ZNF891: variants seen among roughly 807,000 people sequenced by gnomAD.
ZNF891 encodes the protein zinc finger protein 891.
For missense variants in ZNF891, 589 were observed against 632.7 expected (o/e 0.93, Z 0.74); for synonymous variants, 199 against 209.0 (o/e 0.95, Z 0.41).
Position 133,117,133 on chromosome 12 carries a change from A to G in ZNF891, c.*3151T>C, listed in dbSNP as rs1051701977. 6.6e-5 allele frequency: 10 copies of G among 152,222 alleles called. No individual in the cohort carries two copies. Among genetic ancestry groups the G allele is most frequent in the African/African-American group, 2.2e-4 (9 of 41,446 alleles). 9.4% of individuals were successfully genotyped at this position (152,222 alleles called of 1,614,324 possible). On this transcript the variant is annotated 3_prime_UTR_variant, in exon 2 of 2. Coordinates refer to ENST00000537226, the MANE Select transcript of ZNF891 (RefSeq NM_001277291.2). ...TGGAAGGACTTTCAAATACATAGAG[A>G]TCTTCTTCACTAAAACCTCCTTGCA... is the stretch of plus-strand genomic sequence containing the variant.
chr12:133,116,049 AAGTACAATCCCTTGCTG>A lies in ZNF891; in HGVS notation c.*4218_*4234del, dbSNP rs1184404861. 6.6e-6 allele frequency: 1 copy of A among 152,094 alleles called. No individual in the cohort carries two copies. Among genetic ancestry groups the A allele is most frequent in the Non-Finnish European group, 1.5e-5 (1 of 68,022 alleles). 9.4% of individuals were successfully genotyped at this position (152,094 alleles called of 1,614,324 possible). ...TGTAAATTCCAGTCCTAACCAAGCA[AAGTACAATCCCTTGCTG>A]AGTACTCCTTAAGATGATCTCACCC... On this transcript the variant is annotated 3_prime_UTR_variant, in exon 2 of 2. Transcript: ENST00000537226.
In ZNF891 at chr12:133,114,263, CAGTCTT is replaced by C. The variant is rs1955703521; in HGVS notation, c.*6015_*6020del. 6.6e-6 allele frequency: 1 copy of C among 152,166 alleles called. No homozygotes were observed. Among genetic ancestry groups the C allele is most frequent in the Non-Finnish European group, 1.5e-5 (1 of 68,036 alleles). 9.4% of individuals were successfully genotyped at this position (152,166 alleles called of 1,614,324 possible). ...TAACATTAAACTGCTGTTGTCCTAACAGTCTTAGTTTCTGCACACCTGTTATGGTGC... is the reference window on the plus strand; with the variant it reads ...TAACATTAAACTGCTGTTGTCCTAACAGTTTCTGCACACCTGTTATGGTGC... On this transcript the variant is annotated 3_prime_UTR_variant, in exon 2 of 2. Coordinates refer to ENST00000537226, the MANE Select transcript of ZNF891 (RefSeq NM_001277291.2).
rs142017795 is a variant in ZNF891 at position 133,123,975 on chromosome 12, T to A, written c.-106-1951A>T. ...TAGGTGAATCACCATGGGATTTTGATTAATCTATGTATTTAATAGGGATTT... is the reference window on the plus strand; with the variant it reads ...TAGGTGAATCACCATGGGATTTTGAATAATCTATGTATTTAATAGGGATTT... On this transcript the variant is annotated intron_variant, in intron 1 of 1. Transcript: ENST00000537226. 8.5e-5 allele frequency among the ~76,000 whole-genome samples: 13 copies of A among 152,336 alleles called. No homozygotes were observed. In the East Asian group the frequency reaches 2.5e-3, roughly 29 times the overall value.
In ZNF891 at chr12:133,111,916, T is replaced by G. The variant is rs1437831868; in HGVS notation, c.*8368A>C. 1.3e-5 allele frequency: 2 copies of G among 152,236 alleles called. No homozygotes were observed. The highest frequency in any genetic ancestry group is 3.8e-4 in the East Asian group (2 of 5,202). The allele number at this position is 152,236 out of a possible 1,614,324, so 9.4% of individuals were successfully genotyped here. ...TGGCATTCAAATTTCATACATGAAC[T>G]ATTGCAAATAGCTTCCTAGTCTCTC... is the stretch of plus-strand genomic sequence containing the variant. On this transcript the variant is annotated 3_prime_UTR_variant, in exon 2 of 2. Transcript: ENST00000537226.
In ZNF891 at chr12:133,113,427, A is replaced by G. The variant is rs1050891317; in HGVS notation, c.*6857T>C. The G allele has an allele frequency of 6.6e-6, 1 of 152,190 alleles. No homozygotes were observed. Among genetic ancestry groups the G allele is most frequent in the Non-Finnish European group, 1.5e-5 (1 of 68,016 alleles). 9.4% of individuals were successfully genotyped at this position (152,190 alleles called of 1,614,324 possible). On this transcript the variant is annotated 3_prime_UTR_variant, in exon 2 of 2. Transcript: ENST00000537226. ...CACACATATTTATAACATGCATTAA[A>G]AAGTCATACCATATTTTGTGACTGT...
Position 133,111,219 on chromosome 12 carries a change from CAAAA to C in ZNF891, c.*9061_*9064del, listed in dbSNP as rs905312488. ...TAACAATTCTTTTAAGGAAACAAAA[CAAAA>C]AAAAATAAATTATGTAACCCAGCAC... is the stretch of plus-strand genomic sequence containing the variant. On this transcript the variant is annotated 3_prime_UTR_variant, in exon 2 of 2. Coordinates refer to ENST00000537226, the MANE Select transcript of ZNF891 (RefSeq NM_001277291.2). 6.7e-6 allele frequency: 1 copy of C among 150,178 alleles called. No homozygotes were observed. Among genetic ancestry groups the C allele is most frequent in the African/African-American group, 2.4e-5 (1 of 40,858 alleles). The allele number at this position is 150,178 out of a possible 1,614,324, so 9.3% of individuals were successfully genotyped here.
rs938703441 is a variant in ZNF891 at position 133,121,523 on chromosome 12, C to T, written c.396G>A (p.Glu132=). The T allele has an allele frequency of 2.0e-6, 3 of 1,536,292 alleles. No homozygotes were observed. Among genetic ancestry groups the T allele is most frequent in the East Asian group, 2.4e-5 (1 of 40,912 alleles). ...KESTVQKILW[E]EPSNAVKMIK... is the part of the protein sequence containing the mutation. ...TCATTTTCACTGCATTGGATGGTTC[C>T]TCCCACAAAATTTTCTGCACAGTTG... is the stretch of plus-strand genomic sequence containing the variant. The change falls in exon 2 of 2, where the codon GAG becomes GAA. Residue 132 remains glutamate (E), a synonymous_variant. Coordinates refer to ENST00000537226, the MANE Select transcript of ZNF891 (RefSeq NM_001277291.2).
rs776437234 is a variant in ZNF891 at position 133,121,064 on chromosome 12, G to C, written c.855C>G (p.Asn285Lys). 13 of 1,535,484 alleles carry C rather than the reference G, an allele frequency of 8.5e-6. No homozygotes were observed. The highest frequency in any genetic ancestry group is 1.2e-5 in the South Asian group (1 of 84,064). Residue 285 changes from asparagine to lysine, a missense_variant, in exon 2 of 2, where the codon AAC (asparagine) becomes AAG (lysine). Asn to Lys is a moderately conservative substitution (Grantham distance 94, BLOSUM62 0). Transcript: ENST00000537226. ...HFTHNMFPVP[N>K]NLHMAQNACE... ...AGGCATTCTGTGCCATATGCAAATT[G>C]TTAGGTACAGGAAACATATTATGTG...
intron 1 of ZNF891, among the ~76,000 whole-genome samples, chr12:133,126,860 G>C (rs1237030274): frequency 6.7e-6 from 1 of 148,844 alleles, no homozygotes; most frequent in South Asian, 2.2e-4. Flanking sequence ...AAAAGAAAAA[G>C]TAAGAATAAA....
Position 133,120,961 on chromosome 12 carries a change from GTTTCT to G in ZNF891, c.953_957del (p.Lys318ThrfsTer2). 1 of 1,535,836 alleles carries G rather than the reference GTTTCT, an allele frequency of 6.5e-7. No homozygotes were observed. On this transcript the variant is annotated frameshift_variant, in exon 2 of 2. Transcript: ENST00000537226. LOFTEE classifies it low-confidence loss of function (END_TRUNC). Reference sequence around the variant, plus strand: ...GCTTTTCCACATTGATTGCATTCATGTTTCTTTTCAGTATGAGTTTGTCCTTGTTT... The same window carrying G: ...GCTTTTCCACATTGATTGCATTCATGTTTCAGTATGAGTTTGTCCTTGTTT...
In ZNF891 at chr12:133,114,680, GAA is replaced by G. The variant is rs1426550945; in HGVS notation, c.*5602_*5603del. 1 of 152,352 alleles carries G rather than the reference GAA, an allele frequency of 6.6e-6. No individual in the cohort carries two copies. The highest frequency in any genetic ancestry group is 2.4e-5 in the African/African-American group (1 of 41,574). 9.4% of individuals were successfully genotyped at this position (152,352 alleles called of 1,614,324 possible). A position where few individuals can be genotyped will look rare whatever the true frequency, so the allele number is the denominator to read the frequency against. Reference sequence around the variant, plus strand: ...AATACACAAACAGGCAATACAGTGTGAAAGTGTGACAAGTATTGTTAAAGCAG... The same window carrying G: ...AATACACAAACAGGCAATACAGTGTGAGTGTGACAAGTATTGTTAAAGCAG... On this transcript the variant is annotated 3_prime_UTR_variant, in exon 2 of 2. Transcript: ENST00000537226.
chr12:133,126,902 G>C (rs576335914), intron 1 of ZNF891, among the ~76,000 whole-genome samples: 19 of 150,790 alleles, frequency 1.3e-4, no homozygotes, highest in Admixed American at 2.0e-4. Context: ...GCAATTTAAG[G>C]TACCCCAGAT....
rs554860705 is a variant in ZNF891, at chr12:133,116,671, A to C, written c.*3613T>G. The C allele has an allele frequency of 2.0e-4, 30 of 152,366 alleles. No homozygotes were observed. The highest frequency in any genetic ancestry group is 7.2e-4 in the African/African-American group (30 of 41,548). 9.4% of individuals were successfully genotyped at this position (152,366 alleles called of 1,614,324 possible). ...GTCATTACAATCTTCTGTATTCCTC[A>C]GGCCAAAGCCAGAAACCCTAAACCC... On this transcript the variant is annotated 3_prime_UTR_variant, in exon 2 of 2. Coordinates refer to ENST00000537226, the MANE Select transcript of ZNF891 (RefSeq NM_001277291.2).
At position 133,107,358 on chromosome 12, in the gene ZNF891, A is replaced by AG. The variant is rs1479532556; in HGVS notation, c.*12925dup. On this transcript the variant is annotated 3_prime_UTR_variant, in exon 2 of 2. Transcript: ENST00000537226. ...TAGGAAACGGTTCTATTTTGAGGGA[A>AG]GGGGGATTCCTTTTTGTTTTTTAAG... is the stretch of plus-strand genomic sequence containing the variant. The AG allele has an allele frequency of 6.6e-6, 1 of 152,188 alleles. No homozygotes were observed. Among genetic ancestry groups the AG allele is most frequent in the Non-Finnish European group, 1.5e-5 (1 of 68,026 alleles). 9.4% of individuals were successfully genotyped at this position (152,188 alleles called of 1,614,324 possible).
rs1955614689 is a variant in ZNF891 at position 133,106,730 on chromosome 12, G to A, written c.*13554C>T. On this transcript the variant is annotated 3_prime_UTR_variant, in exon 2 of 2. Coordinates refer to ENST00000537226, the MANE Select transcript of ZNF891 (RefSeq NM_001277291.2). ...TAATGCCTTACTTCAGAGAACTCTT[G>A]GAAAGAAGCCTTATGTGAAAGTGAT... is the stretch of plus-strand genomic sequence containing the variant. 1.5e-6 allele frequency: 2 copies of A among 1,295,724 alleles called. No individual in the cohort carries two copies. The highest frequency in any genetic ancestry group is 2.1e-6 in the Non-Finnish European group (2 of 958,506). The allele number at this position is 1,295,724 out of a possible 1,614,324, so 80.3% of individuals were successfully genotyped here.
At position 133,120,483 on chromosome 12, in the gene ZNF891, A is replaced by G. The variant is rs1240008139; in HGVS notation, c.1436T>C (p.Ile479Thr). 6 of 1,600,412 alleles carry G rather than the reference A, an allele frequency of 3.7e-6. No homozygotes were observed. The highest frequency in any genetic ancestry group is 1.3e-5 in the African/African-American group (1 of 74,454). The change falls in exon 2 of 2, where the codon ATA (isoleucine) becomes ACA (threonine). Residue 479 changes from isoleucine (I) to threonine (T), a missense_variant. Physicochemically the swap from Ile to Thr is moderately conservative, Grantham distance 89 (BLOSUM62 -1). Coordinates refer to ENST00000537226, the MANE Select transcript of ZNF891 (RefSeq NM_001277291.2). ...FSGVSSLRMH[I>T]RTHTGEKPYE... Reference sequence around the variant, plus strand: ...GGGTTTCTCTCCAGTGTGAGTTCTTATATGCATTCTAAGGGATGAGACCCC... The same window carrying G: ...GGGTTTCTCTCCAGTGTGAGTTCTTGTATGCATTCTAAGGGATGAGACCCC...
Position 133,105,848 on chromosome 12 carries a change from T to C in ZNF891, c.*14436A>G. The C allele has an allele frequency of 1.2e-6, 2 of 1,614,182 alleles. No homozygotes were observed. The highest frequency in any genetic ancestry group is 1.3e-5 in the African/African-American group (1 of 75,046). ...TCATACTGGAGAGAAACCATATGCA[T>C]GTAAGGAATGTGGCAAAACCTTTAG... is the stretch of plus-strand genomic sequence containing the variant. On this transcript the variant is annotated 3_prime_UTR_variant, in exon 2 of 2. Transcript: ENST00000537226.
Position 133,117,516 on chromosome 12 carries a change from G to A in ZNF891, c.*2768C>T, listed in dbSNP as rs766887986. 29 of 152,270 alleles carry A rather than the reference G, an allele frequency of 1.9e-4. No individual in the cohort carries two copies. The highest frequency in any genetic ancestry group is 3.5e-4 in the Non-Finnish European group (24 of 68,032). The allele number at this position is 152,270 out of a possible 1,614,324, so 9.4% of individuals were successfully genotyped here. ...TTTTCTACTCCTGAAAGAATGGTGG[G>A]AGTATCCCTCCGCCTCATGGCAAAC... On this transcript the variant is annotated 3_prime_UTR_variant, in exon 2 of 2. Transcript: ENST00000537226.
rs572595079 is a variant in ZNF891 at position 133,108,381 on chromosome 12, T to C, written c.*11903A>G. ...GTCAGCAAAATTAGGATATGAAAAA[T>C]TCATTATTTATTTATTTAAGAGTAT... On this transcript the variant is annotated 3_prime_UTR_variant, in exon 2 of 2. Transcript: ENST00000537226. The C allele has an allele frequency of 6.6e-6, 1 of 151,770 alleles. No homozygotes were observed. Among genetic ancestry groups the C allele is most frequent in the Non-Finnish European group, 1.5e-5 (1 of 67,926 alleles). The allele number at this position is 151,770 out of a possible 1,614,324, so 9.4% of individuals were successfully genotyped here. A position where few individuals can be genotyped will look rare whatever the true frequency, so the allele number is the denominator to read the frequency against.
Sources: gnomAD v4.1 joint callset for allele counts (sites outside exome capture counted in the v4.1 genomes callset) on GRCh38, gnomAD v4.1.1 for gene constraint, MANE v1.5 for transcripts, NCBI Gene and HGNC (gene_info 2026-07-23, HGNC 2026-07-21) for gene names.